SH3D19: variants seen among roughly 807,000 people sequenced by gnomAD.
The protein encoded by SH3D19 is SH3 domain-containing protein 19.
SH3D19 carries 58 observed loss-of-function variants against 112.1 expected under a neutral mutation model. The observed-to-expected ratio is 0.52, with a 90% CI of 0.42 to 0.64. The LOEUF (loss-of-function observed/expected upper bound fraction) is 0.64, where lower values mean the gene tolerates loss of function less well. SH3D19 is among the 30% of genes least tolerant of loss of function. The pLI, the probability that SH3D19 is intolerant of heterozygous loss-of-function variation, is 0.00. For synonymous variants in SH3D19, 391 were observed against 448.5 expected (o/e 0.87, Z 1.62); for missense variants, 1,090 against 1,263.4 (o/e 0.86, Z 2.08).
chr4:151,267,180 A>G (rs1187447568), intron 1 of SH3D19, among the ~76,000 whole-genome samples: 2 of 150,026 alleles, frequency 1.3e-5, no homozygotes, highest in African/African-American at 4.9e-5. Context: ...AAATAAATAA[A>G]ATAAATTAGT....
chr4:151,163,525 A>G (rs1259089144), intron 8 of SH3D19, among the ~76,000 whole-genome samples: 1 of 151,900 alleles, frequency 6.6e-6, no homozygotes, highest in African/African-American at 2.4e-5. Flanking sequence ...CGTTTTACTG[A>G]TTTGTGGGCT....
intron 10 of SH3D19, among the ~76,000 whole-genome samples, chr4:151,148,572 G>A (rs1396665715): frequency 1.3e-5 from 2 of 152,100 alleles, no homozygotes; most frequent in Non-Finnish European, 1.5e-5. Flanking sequence ...AATAAGATAC[G>A]ATGTATGTGT....
Position 151,133,228 on chromosome 4 carries a change from CTTGA to C in SH3D19, c.2491_2494del (p.Ser831AspfsTer16), listed in dbSNP as rs1225005306. The C allele has an allele frequency of 1.9e-6, 3 of 1,613,962 alleles. No homozygotes were observed. Among genetic ancestry groups the C allele is most frequent in the Non-Finnish European group, 2.5e-6 (3 of 1,179,990 alleles). On this transcript the variant is annotated frameshift_variant, in exon 16 of 20. Transcript: ENST00000604030. LOFTEE classifies it high-confidence loss of function. ...AATATATTCAAACCGAGCAACACAT[CTTGA>C]GCCTCTGAATGAAGAACACATTTTG...
At chr4:151,266,620 C>T (rs1231348258) in intron 1 of SH3D19, among the ~76,000 whole-genome samples, 2 of 152,114 alleles carry the variant, frequency 1.3e-5, no homozygotes, top group Non-Finnish European at 2.9e-5. Context: ...GTGAGTCAGT[C>T]CCTTGAATTT....
chr4:151,314,262 G>A (rs2126383199), intron 1 of SH3D19, among the ~76,000 whole-genome samples: 1 of 152,288 alleles, frequency 6.6e-6, no homozygotes, highest in East Asian at 1.9e-4. Context: ...TCTGAATGAA[G>A]TTGGCACTAG....
intron 1 of SH3D19, chr4:151,227,651 G>T: frequency 1.5e-6 from 1 of 673,004 alleles, no homozygotes; most frequent in Non-Finnish European, 1.8e-6. Flanking sequence ...TCATTCTCCA[G>T]TTTTTAGCCT....
At chr4:151,173,205 G>C (rs1240640661) in intron 7 of SH3D19, among the ~76,000 whole-genome samples, 4 of 152,230 alleles carry the variant, frequency 2.6e-5, no homozygotes, top group African/African-American at 9.6e-5. Flanking sequence ...TCTTTAGCTT[G>C]CTGCTGTTGG....
chr4:151,213,312 A>C (rs966165170), intron 2 of SH3D19, among the ~76,000 whole-genome samples: 6 of 152,224 alleles, frequency 3.9e-5, no homozygotes, highest in Non-Finnish European at 8.8e-5. Flanking sequence ...TGTGAAAGGA[A>C]GAGTCAATCG....
chr4:151,268,160 A>C (rs1008338726), intron 1 of SH3D19, among the ~76,000 whole-genome samples: 8 of 152,226 alleles, frequency 5.3e-5, no homozygotes, highest in Non-Finnish European at 1.2e-4. Flanking sequence ...ATAGGCTACA[A>C]ACCTGTGCAG....
intron 1 of SH3D19, among the ~76,000 whole-genome samples, chr4:151,265,334 A>G (rs1772689418): frequency 6.6e-6 from 1 of 151,458 alleles, no homozygotes; most frequent in African/African-American, 2.4e-5. Context: ...CTCACTACAC[A>G]TGTGGGATGC....
intron 1 of SH3D19, among the ~76,000 whole-genome samples, chr4:151,232,160 G>A (rs1244061231): frequency 6.6e-6 from 1 of 152,160 alleles, no homozygotes; most frequent in African/African-American, 2.4e-5. Context: ...CTCCAGCCTG[G>A]GGGATGGAGG....
At chr4:151,196,150 G>A (rs540622567) in intron 2 of SH3D19, among the ~76,000 whole-genome samples, 1 of 152,198 alleles carries the variant, frequency 6.6e-6, no homozygotes, top group South Asian at 2.1e-4. Flanking sequence ...GGAATCATTT[G>A]GTCATATCAA....
In SH3D19 at chr4:151,325,244, C is replaced by A. The variant is rs1268002276; in HGVS notation, c.109G>T (p.Ala37Ser). The A allele has an allele frequency of 8.2e-7, 1 of 1,220,500 alleles. No individual in the cohort carries two copies. Among genetic ancestry groups the A allele is most frequent in the East Asian group, 3.2e-5 (1 of 30,822 alleles). 75.6% of individuals were successfully genotyped at this position (1,220,500 alleles called of 1,614,324 possible). Residue 37 changes from alanine (A) to serine (S), a missense_variant, in exon 1 of 20, where the codon GCA (alanine) becomes TCA (serine). Ala to Ser is a moderately conservative substitution (Grantham distance 99). Transcript: ENST00000604030. ...RGRALSGHSA[A>S]DRNERNKPEH... ...CCCCGTCCCCCGCGCCTCTCACCTG[C>A]GGCCGAGTGGCCCGAGAGCGCACGG...
intron 2 of SH3D19, among the ~76,000 whole-genome samples, chr4:151,199,508 A>G (rs542158285): frequency 6.6e-6 from 1 of 152,306 alleles, no homozygotes; most frequent in Non-Finnish European, 1.5e-5. Flanking sequence ...AATAGTCTCA[A>G]AGTAAGGACT....
At chr4:151,236,417 G>A (rs1055665191) in intron 1 of SH3D19, among the ~76,000 whole-genome samples, 2 of 152,278 alleles carry the variant, frequency 1.3e-5, no homozygotes, top group African/African-American at 2.4e-5. Flanking sequence ...AAGTCCCACC[G>A]CGAGGGCCAT....
Position 151,315,385 on chromosome 4 carries a change from CA to C in SH3D19, c.112+9855del, listed in dbSNP as rs370820810. Among the ~76,000 whole-genome samples the C allele has an allele frequency of 4.4e-3, 674 of 152,286 alleles. 3 individuals carry two copies. Among genetic ancestry groups the C allele is most frequent in the African/African-American group, 0.015 (641 of 41,554 alleles). On this transcript the variant is annotated intron_variant, in intron 1 of 19. Transcript: ENST00000604030. ...CCTACTCTAACTTCCCCTCCATTTC[CA>C]AAATTGGAAAGGAATTTATATTAGT...
chr4:151,194,243 T>C (rs1157896283), intron 2 of SH3D19, among the ~76,000 whole-genome samples: 1 of 151,302 alleles, frequency 6.6e-6, no homozygotes, highest in Non-Finnish European at 1.5e-5. Flanking sequence ...GCCAGGCTGG[T>C]CTTACACTCT....
At chr4:151,313,569 A>T (rs1240345776) in intron 1 of SH3D19, among the ~76,000 whole-genome samples, 1 of 152,044 alleles carries the variant, frequency 6.6e-6, no homozygotes, top group Admixed American at 6.6e-5. Flanking sequence ...GGCACACACC[A>T]CTGCGCCCAC....
At chr4:151,181,065 G>A (rs1428570116) in intron 3 of SH3D19, among the ~76,000 whole-genome samples, 16 of 151,712 alleles carry the variant, frequency 1.1e-4, no homozygotes, top group African/African-American at 2.9e-4. Flanking sequence ...GAGCCACCAC[G>A]CCCGGCCTAC....
Sources: gnomAD v4.1 joint callset for allele counts (sites outside exome capture counted in the v4.1 genomes callset) on GRCh38, gnomAD v4.1.1 for gene constraint, MANE v1.5 for transcripts, NCBI Gene and HGNC (gene_info 2026-07-23, HGNC 2026-07-21) for gene names.